The following LHFPL3 variants were observed in gnomAD, a reference collection of about 807,000 sequenced individuals.
The protein encoded by LHFPL3 is LHFPL tetraspan subfamily member 3 protein.
Under a neutral mutation model 19.3 loss-of-function variants are expected in LHFPL3, and 5 were observed. The observed-to-expected ratio is 0.26, with a 90% confidence interval of 0.14 to 0.54. The LOEUF (loss-of-function observed/expected upper bound fraction) is 0.54. LHFPL3 is among the 20% of genes least tolerant of loss of function. The pLI, the probability that LHFPL3 is intolerant of heterozygous loss-of-function variation, is 0.94. For synonymous variants in LHFPL3, 133 were observed against 126.2 expected (o/e 1.05, Z -0.36); for missense variants, 249 against 307.4 (o/e 0.81, Z 1.42).
chr7:104,330,740 T>G (rs190249662), intron 1 of LHFPL3, among the ~76,000 whole-genome samples: 130 of 152,230 alleles, frequency 8.5e-4, no homozygotes, highest in South Asian at 2.1e-3. Context: ...CCCAACTTTT[T>G]CTAGCAATTC....
At chr7:104,481,902 G>T (rs972722091) in intron 1 of LHFPL3, among the ~76,000 whole-genome samples, 8 of 152,154 alleles carry the variant, frequency 5.3e-5, no homozygotes, top group Non-Finnish European at 1.0e-4. Context: ...ATATGCTACT[G>T]TGTGGTAACA....
intron 1 of LHFPL3, among the ~76,000 whole-genome samples, chr7:104,385,918 A>C (rs1790932507): frequency 6.6e-6 from 1 of 152,104 alleles, no homozygotes; most frequent in Non-Finnish European, 1.5e-5. Flanking sequence ...TTACTCCTCC[A>C]TAAAAGCAAT....
At position 104,572,512 on chromosome 7, in the gene LHFPL3, A is replaced by G. The variant is rs1171799643; in HGVS notation, c.446-164163A>G. Among the ~76,000 whole-genome samples, 4 of 152,242 alleles carry G rather than the reference A, an allele frequency of 2.6e-5. No individual in the cohort carries two copies. In the South Asian group the frequency reaches 8.3e-4, roughly 32 times the overall value. ...ACTTTTGGGAGGTTTTCTTTTATTC[A>G]AGCAGTGGGAACATTCTTAATAATA... On this transcript the variant is annotated intron_variant, in intron 1 of 2. Coordinates refer to ENST00000424859, the MANE Select transcript of LHFPL3 (RefSeq NM_199000.3).
At chr7:104,799,301 G>T (rs1029026026) in intron 2 of LHFPL3, 2 of 152,228 alleles carry the variant, frequency 1.3e-5, no homozygotes, top group African/African-American at 4.8e-5. Flanking sequence ...TGGGCTCTGG[G>T]TGCTGGACCT....
At chr7:104,434,257 G>A (rs963641702) in intron 1 of LHFPL3, among the ~76,000 whole-genome samples, 5 of 152,200 alleles carry the variant, frequency 3.3e-5, no homozygotes, top group Non-Finnish European at 4.4e-5. Flanking sequence ...AAAGGGAAGC[G>A]GTTGTATGTG....
intron 1 of LHFPL3, among the ~76,000 whole-genome samples, chr7:104,684,359 T>C (rs572971321): frequency 1.3e-5 from 2 of 152,370 alleles, no homozygotes; most frequent in East Asian, 3.9e-4. Flanking sequence ...GGCCAGATAG[T>C]AAATATTTTA....
At chr7:104,595,492 T>C (rs1290907710) in intron 1 of LHFPL3, among the ~76,000 whole-genome samples, 1 of 152,174 alleles carries the variant, frequency 6.6e-6, no homozygotes, top group African/African-American at 2.4e-5. Flanking sequence ...CTTTGACATG[T>C]CTCCCAATTA....
chr7:104,340,357 G>A (rs1458160151), intron 1 of LHFPL3, among the ~76,000 whole-genome samples: 3 of 152,074 alleles, frequency 2.0e-5, no homozygotes, highest in Admixed American at 1.3e-4. Context: ...AGACGAGTAG[G>A]CATCTAAAGT....
intron 1 of LHFPL3, among the ~76,000 whole-genome samples, chr7:104,690,994 G>T (rs976257609): frequency 8.5e-5 from 13 of 152,292 alleles, no homozygotes; most frequent in African/African-American, 2.6e-4. Flanking sequence ...TCACAGCGGA[G>T]GCCTCTAGGA....
At chr7:104,599,041 T>G (rs1790916572) in intron 1 of LHFPL3, among the ~76,000 whole-genome samples, 1 of 152,212 alleles carries the variant, frequency 6.6e-6, no homozygotes, top group Non-Finnish European at 1.5e-5. Context: ...AAAACTCCCC[T>G]CATATGAGTG....
chr7:104,681,154 C>CTTTT (rs35342944), intron 1 of LHFPL3, among the ~76,000 whole-genome samples: 11 of 132,608 alleles, frequency 8.3e-5, no homozygotes, highest in Non-Finnish European at 1.4e-4. Flanking sequence ...TTCTTTTCTT[C>CTTTT]TTTTTTTTTT....
intron 2 of LHFPL3, among the ~76,000 whole-genome samples, chr7:104,782,296 A>C (rs1385187593): frequency 6.6e-6 from 1 of 152,218 alleles, no homozygotes; most frequent in Admixed American, 6.5e-5. Context: ...CAAGTGCTCC[A>C]AGAGAAAGGA....
At chr7:104,788,280 G>C (rs1168042851) in intron 2 of LHFPL3, among the ~76,000 whole-genome samples, 1 of 152,128 alleles carries the variant, frequency 6.6e-6, no homozygotes, top group Non-Finnish European at 1.5e-5. Context: ...CAGCACACGT[G>C]TATCCAGGGA....
At chr7:104,454,533 C>G (rs1410031321) in intron 1 of LHFPL3, among the ~76,000 whole-genome samples, 1 of 152,122 alleles carries the variant, frequency 6.6e-6, no homozygotes, top group Non-Finnish European at 1.5e-5. Context: ...AGGAAGAGCC[C>G]TGAGGCACAC....
At chr7:104,799,992 G>A (rs1158858397) in intron 2 of LHFPL3, 20 of 152,598 alleles carry the variant, frequency 1.3e-4, no homozygotes, top group Admixed American at 1.3e-3. Context: ...CTTCTATTTT[G>A]TTCTTCCAGG....
chr7:104,647,228 C>T (rs758826419), intron 1 of LHFPL3, among the ~76,000 whole-genome samples: 3 of 152,208 alleles, frequency 2.0e-5, no homozygotes, highest in Non-Finnish European at 4.4e-5. Context: ...TCTGGACCAA[C>T]TCTTGAAAGC....
intron 1 of LHFPL3, among the ~76,000 whole-genome samples, chr7:104,389,074 T>C (rs936505431): frequency 2.6e-5 from 4 of 152,136 alleles, no homozygotes; most frequent in Non-Finnish European, 4.4e-5. Context: ...AAGGAAGAAG[T>C]AAAACTATCT....
At chr7:104,540,800 A>G (rs1021829046) in intron 1 of LHFPL3, among the ~76,000 whole-genome samples, 5 of 152,104 alleles carry the variant, frequency 3.3e-5, no homozygotes, top group Admixed American at 2.6e-4. Flanking sequence ...CCAGATTTGG[A>G]CCTAGCCCTG....
At chr7:104,496,091 T>A (rs573828004) in intron 1 of LHFPL3, among the ~76,000 whole-genome samples, 10 of 152,170 alleles carry the variant, frequency 6.6e-5, no homozygotes, top group Admixed American at 5.9e-4. Flanking sequence ...TTAGCATTAG[T>A]TATATCTCCT....
Sources: allele counts gnomAD v4.1 joint callset (sites outside exome capture counted in the v4.1 genomes callset), GRCh38; gene constraint gnomAD v4.1.1; transcripts MANE v1.5; gene names NCBI Gene and HGNC (gene_info 2026-07-23, HGNC 2026-07-21).